Variants in NUP153 observed in about 807,000 individuals in gnomAD.
NUP153 encodes nucleoporin 153.
A neutral mutation model predicts 134.6 loss-of-function variants in NUP153; 27 were observed. The ratio of observed to expected loss-of-function variants is 0.20; its 90% confidence interval spans 0.15 to 0.28. NUP153 has a LOEUF of 0.28. NUP153 is among the 10% of genes least tolerant of loss of function. The pLI, the probability that NUP153 is intolerant of heterozygous loss-of-function variation, is 1.00. For synonymous variants in NUP153, 640 were observed against 623.5 expected (o/e 1.03, Z -0.40); for missense variants, 1,821 against 1,731.3 (o/e 1.05, Z -0.92).
chr6:17,651,817 G>T, intron 11 of NUP153: 1 of 586,918 alleles, frequency 1.7e-6, no homozygotes, highest in South Asian at 2.0e-5. Context: ...ATTGAGGTTA[G>T]GCATGGTAGC....
chr6:17,656,364 T>A (rs533596738), intron 11 of NUP153, among the ~76,000 whole-genome samples: 84 of 152,250 alleles, frequency 5.5e-4, no homozygotes, highest in Non-Finnish European at 5.6e-4. Flanking sequence ...AATTGGCAGT[T>A]GGCCAGAATG....
chr6:17,657,967 A>G (rs999063191), intron 11 of NUP153, among the ~76,000 whole-genome samples: 6 of 152,256 alleles, frequency 3.9e-5, no homozygotes, highest in Non-Finnish European at 8.8e-5. Flanking sequence ...AAATGATGTT[A>G]GACAAAAGAC....
In NUP153 at chr6:17,668,987, G is replaced by A. The variant is rs200635527; in HGVS notation, c.1056C>T (p.Ala352=). 6.5e-6 allele frequency: 10 copies of A among 1,548,920 alleles called. No individual in the cohort carries two copies. The highest frequency in any genetic ancestry group is 7.8e-6 in the Non-Finnish European group (9 of 1,155,360). ...AAAGAAGTTTTACCTTTTCTCTTTT[G>A]GCCTGAAAATCTGTGATATCTATCC... ...RSGIDITDFQ[A]KREKVDSQYP... Residue 352 remains alanine, a synonymous_variant, in exon 8 of 22, where the codon GCC becomes GCT. Transcript: ENST00000262077.
Position 17,661,651 on chromosome 6 carries a change from A to ACCT in NUP153, c.1394_1395+1dup. 1 of 1,612,588 alleles carries ACCT rather than the reference A, an allele frequency of 6.2e-7. No individual in the cohort carries two copies. Among genetic ancestry groups the ACCT allele is most frequent in the Non-Finnish European group, 8.5e-7 (1 of 1,179,050 alleles). On this transcript the variant is annotated splice_donor_variant, in intron 11 of 21. Coordinates refer to ENST00000262077, the MANE Select transcript of NUP153 (RefSeq NM_005124.4). LOFTEE classifies it high-confidence loss of function. Reference sequence around the variant, plus strand: ...CAAGAGTATATGAGTATACAACCCTACCTCCTCCTCCAGAGGTTTAGAAGC... The same window carrying ACCT: ...CAAGAGTATATGAGTATACAACCCTACCTCCTCCTCCTCCAGAGGTTTAGAAGC...
intron 2 of NUP153, among the ~76,000 whole-genome samples, chr6:17,676,687 G>A (rs1004512552): frequency 3.3e-5 from 5 of 151,958 alleles, no homozygotes; most frequent in African/African-American, 1.2e-4. Context: ...GTGGAAAACA[G>A]CACAAAAAAA....
intron 6 of NUP153, 23 bp from the exon 7 acceptor site, chr6:17,669,360 A>G (rs1222479141): frequency 1.2e-6 from 2 of 1,606,012 alleles, no homozygotes; most frequent in African/African-American, 2.7e-5. Context: ...AAAAAATAAC[A>G]AAATTAAGAT....
chr6:17,628,319 G>A lies in NUP153; in HGVS notation c.3544+336C>T, dbSNP rs528481531. On this transcript the variant is annotated intron_variant, in intron 18 of 21. Coordinates refer to ENST00000262077, the MANE Select transcript of NUP153 (RefSeq NM_005124.4). The surrounding 1 kb of genome is among the most constrained non-coding windows in gnomAD (Gnocchi z 5.4). ...GATTATGGTAGAAAATACTTCATAAGCTAAGAATCCTTATTTTCCAGGTAG... is the reference window on the plus strand; with the variant it reads ...GATTATGGTAGAAAATACTTCATAAACTAAGAATCCTTATTTTCCAGGTAG... 5.0e-4 allele frequency among the ~76,000 whole-genome samples: 76 copies of A among 152,216 alleles called. No homozygotes were observed. The highest frequency in any genetic ancestry group is 1.8e-3 in the African/African-American group (73 of 41,534).
chr6:17,619,915 T>A (rs1344422528), intron 20 of NUP153, among the ~76,000 whole-genome samples: 1 of 151,820 alleles, frequency 6.6e-6, no homozygotes, highest in Non-Finnish European at 1.5e-5. Context: ...GTGGCCAACA[T>A]GGCAAAACCC....
At chr6:17,644,799 C>A (rs895623911) in intron 14 of NUP153, among the ~76,000 whole-genome samples, 2 of 152,010 alleles carry the variant, frequency 1.3e-5, no homozygotes, top group African/African-American at 4.8e-5. Flanking sequence ...AAAAAATTAG[C>A]CAGGGGCAGG....
rs749941490 is a variant in NUP153 at position 17,626,039 on chromosome 6, C to T, written c.3670G>A (p.Ala1224Thr). ...CTGGACTGTCCAAACACAAAGGTAG[C>T]CACAGGTGGATTGGAGGAAGAGGTG... Reference protein sequence around the residue: ...SSTSSSNPPVATFVFGQSSNP... With the variant: ...SSTSSSNPPVTTFVFGQSSNP... The change falls in exon 19 of 22, where the codon GCT becomes ACT. Residue 1224 changes from alanine to threonine, a missense_variant. Ala to Thr is a moderately conservative substitution (Grantham distance 58). Coordinates refer to ENST00000262077, the MANE Select transcript of NUP153 (RefSeq NM_005124.4). 1.9e-6 allele frequency: 3 copies of T among 1,614,116 alleles called. No homozygotes were observed. The highest frequency in any genetic ancestry group is 1.7e-6 in the Non-Finnish European group (2 of 1,180,026).
At chr6:17,632,967 T>A in intron 16 of NUP153, 123 bp from the exon 17 acceptor site, 1 of 671,334 alleles carries the variant, frequency 1.5e-6, no homozygotes, top group Non-Finnish European at 2.3e-6. Flanking sequence ...TATTTCCTAT[T>A]AAAACACAGA....
chr6:17,635,074 G>GCAGCCCA (rs1275624295), intron 16 of NUP153, among the ~76,000 whole-genome samples: 2 of 149,528 alleles, frequency 1.3e-5, no homozygotes, highest in Non-Finnish European at 3.0e-5. Context: ...TAAGCCACAT[G>GCAGCCCA]CAGCCCACAG....
chr6:17,621,661 A>C (rs191713308), intron 20 of NUP153, among the ~76,000 whole-genome samples: 2 of 152,240 alleles, frequency 1.3e-5, no homozygotes, highest in African/African-American at 4.8e-5. Context: ...TTGATCTCAT[A>C]AAGGTAGAGA....
At chr6:17,641,613 G>A (rs1765844906) in intron 14 of NUP153, among the ~76,000 whole-genome samples, 1 of 152,166 alleles carries the variant, frequency 6.6e-6, no homozygotes, top group South Asian at 2.1e-4. Flanking sequence ...CAGCATTCTG[G>A]GAGGCTGAGG....
In NUP153 at chr6:17,688,457, C is replaced by G; in HGVS notation, c.273G>C (p.Glu91Asp). The G allele has an allele frequency of 6.2e-7, 1 of 1,614,152 alleles. No individual in the cohort carries two copies. The change falls in exon 2 of 22, where the codon GAG becomes GAC. Residue 91 changes from glutamate (E) to aspartate (D), a missense_variant. Coordinates refer to ENST00000262077, the MANE Select transcript of NUP153 (RefSeq NM_005124.4). The part of the protein sequence containing the change: ...NKEDHLVYAD[E>D]ESSNITDGRI... Reference sequence around the variant, plus strand: ...TCCCATCAGTAATATTAGAGCTCTCCTCATCGGCATATACCAGATGGTCCT... The same window carrying G: ...TCCCATCAGTAATATTAGAGCTCTCGTCATCGGCATATACCAGATGGTCCT...
intron 11 of NUP153, among the ~76,000 whole-genome samples, chr6:17,656,747 G>A (rs1176652010): frequency 6.6e-6 from 1 of 152,170 alleles, no homozygotes; most frequent in South Asian, 2.1e-4. Context: ...TGTTTATTAG[G>A]AAAGGTTTAG....
At chr6:17,661,440 A>G (rs1352658738) in intron 11 of NUP153, among the ~76,000 whole-genome samples, 1 of 152,252 alleles carries the variant, frequency 6.6e-6, no homozygotes, top group Non-Finnish European at 1.5e-5. Flanking sequence ...CCTTATTTGA[A>G]AAAGTATGGG....
chr6:17,698,880 A>C (rs985962258), intron 1 of NUP153, among the ~76,000 whole-genome samples: 1 of 152,026 alleles, frequency 6.6e-6, no homozygotes, highest in Non-Finnish European at 1.5e-5. Flanking sequence ...TAAAAAAAAA[A>C]AAAGAAAACT....
At chr6:17,696,033 T>C (rs555198974) in intron 1 of NUP153, among the ~76,000 whole-genome samples, 2 of 148,456 alleles carry the variant, frequency 1.3e-5, no homozygotes, top group African/African-American at 2.5e-5. Context: ...AAAAAGAAAA[T>C]ACTGGAACAA....
Sources: allele counts gnomAD v4.1 joint callset (sites outside exome capture counted in the v4.1 genomes callset), GRCh38; gene constraint gnomAD v4.1.1; non-coding constraint Gnocchi (gnomAD v3.1); transcripts MANE v1.5; gene names NCBI Gene and HGNC (gene_info 2026-07-23, HGNC 2026-07-21).